The following NRG4 variants were observed in gnomAD, a reference collection of about 807,000 sequenced individuals.
NRG4 encodes pro-neuregulin-4, membrane-bound isoform.
NRG4 carries 10 observed loss-of-function variants against 15.0 expected under a neutral mutation model. That is an observed-to-expected ratio of 0.67 (90% CI 0.41 to 1.13). The LOEUF (loss-of-function observed/expected upper bound fraction) is 1.13, where lower values mean the gene tolerates loss of function less well. NRG4 is among the 50% of genes most tolerant of loss of function. The pLI, the probability that NRG4 is intolerant of heterozygous loss-of-function variation, is 0.00. For synonymous variants in NRG4, 41 were observed against 50.1 expected (o/e 0.82, Z 0.77); for missense variants, 139 against 140.2 (o/e 0.99, Z 0.04).
upstream of NRG4, chr15:76,059,825 C>T (rs950135265): frequency 2.5e-4 from 37 of 145,352 alleles, no homozygotes; most frequent in African/African-American, 8.6e-4. Context: ...CGGCGGGAGG[C>T]GAGGGCGCAG....
At chr15:76,008,628 T>A (rs186249044) in intron 3 of NRG4, among the ~76,000 whole-genome samples, 46 of 152,256 alleles carry the variant, frequency 3.0e-4, no homozygotes, top group Non-Finnish European at 5.0e-4. Context: ...TATTTTGAAG[T>A]TTTTTATGGG....
intron 5 of NRG4, among the ~76,000 whole-genome samples, chr15:75,948,371 C>A (rs1229931421): frequency 2.0e-5 from 3 of 151,866 alleles, no homozygotes; most frequent in Non-Finnish European, 2.9e-5. Context: ...GTGATCTCGG[C>A]TCACTTCATC....
chr15:75,987,563 C>G (rs1037831693), intron 3 of NRG4, among the ~76,000 whole-genome samples: 1 of 152,142 alleles, frequency 6.6e-6, no homozygotes, highest in African/African-American at 2.4e-5. Context: ...CGCTCTCCCT[C>G]TCTCTGCCAT....
At chr15:75,996,390 G>A (rs959548715) in intron 3 of NRG4, among the ~76,000 whole-genome samples, 1 of 152,152 alleles carries the variant, frequency 6.6e-6, no homozygotes, top group Non-Finnish European at 1.5e-5. Context: ...TCATTGAGTA[G>A]TATGAATCTT....
chr15:75,995,948 A>T (rs2034199316), intron 3 of NRG4, among the ~76,000 whole-genome samples: 1 of 152,184 alleles, frequency 6.6e-6, no homozygotes, highest in African/African-American at 2.4e-5. Flanking sequence ...TGTGGAAATA[A>T]ATGCATCAGA....
At position 75,977,067 on chromosome 15, in the gene NRG4, G is replaced by A. The variant is rs1028557450; in HGVS notation, c.105-15093C>T. On this transcript the variant is annotated intron_variant, in intron 3 of 5. Transcript: ENST00000394907. This position sits in a 1 kb window ranked among gnomAD's most constrained non-coding sequence, Gnocchi z 4.9. ...CTAGAGAGGCAGTCTGGGTACCGCC[G>A]CTTTGTGGCACTGTGGTGGGCTCTG... Among the ~76,000 whole-genome samples the A allele has an allele frequency of 1.3e-5, 2 of 152,190 alleles. No individual in the cohort carries two copies. The highest frequency in any genetic ancestry group is 4.8e-5 in the African/African-American group (2 of 41,450).
intron 5 of NRG4, 131 bp from the exon 6 acceptor site, chr15:75,943,785 G>A (rs751154842): frequency 4.9e-6 from 3 of 617,772 alleles, no homozygotes; most frequent in Non-Finnish European, 8.5e-6. Flanking sequence ...AGGATGTGTT[G>A]AGGTAAACTA....
chr15:76,007,130 C>T (rs149243314), intron 3 of NRG4, among the ~76,000 whole-genome samples: 1 of 151,174 alleles, frequency 6.6e-6, no homozygotes, highest in East Asian at 1.9e-4. Context: ...ACATTAAATA[C>T]TGCCTATTAG....
chr15:75,998,730 G>A (rs963257237), intron 3 of NRG4, among the ~76,000 whole-genome samples: 15 of 151,930 alleles, frequency 9.9e-5, no homozygotes, highest in African/African-American at 3.6e-4. Context: ...TCAAATCTAT[G>A]GGAAAAAATT....
upstream of NRG4, chr15:76,059,819 G>A (rs886519666): frequency 2.7e-5 from 4 of 146,220 alleles, no homozygotes; most frequent in African/African-American, 4.9e-5. Context: ...CGCGGCCGGC[G>A]GGAGGCGAGG....
chr15:75,983,471 C>T (rs2033679111), intron 3 of NRG4, among the ~76,000 whole-genome samples: 1 of 152,122 alleles, frequency 6.6e-6, no homozygotes, highest in Non-Finnish European at 1.5e-5. Flanking sequence ...ACTGCTACCC[C>T]TATTATTTAA....
Position 75,977,149 on chromosome 15 carries a change from C to G in NRG4, c.105-15175G>C, listed in dbSNP as rs2033404205. On this transcript the variant is annotated intron_variant, in intron 3 of 5. Coordinates refer to ENST00000394907, the MANE Select transcript of NRG4 (RefSeq NM_138573.4). The surrounding 1 kb of genome is among the most constrained non-coding windows in gnomAD (Gnocchi z 4.9). The stretch of plus-strand genomic sequence containing the variant: ...CACTATGAGGGGAAAACTGCCCACT[C>G]AAGCCTCCAGATGCCCCTCCCCCAA... Among the ~76,000 whole-genome samples the G allele has an allele frequency of 6.6e-6, 1 of 152,166 alleles. No individual in the cohort carries two copies. The highest frequency in any genetic ancestry group is 2.1e-4 in the South Asian group (1 of 4,834).
At chr15:75,995,590 C>A (rs923623552) in intron 3 of NRG4, among the ~76,000 whole-genome samples, 2 of 151,964 alleles carry the variant, frequency 1.3e-5, no homozygotes, top group African/African-American at 4.8e-5. Context: ...CTATATCACA[C>A]CTCAACTATA....
chr15:76,006,028 G>GT (rs377052327), intron 3 of NRG4, among the ~76,000 whole-genome samples: 26 of 151,944 alleles, frequency 1.7e-4, no homozygotes, highest in South Asian at 6.2e-4. Context: ...GTCACTGAAG[G>GT]TTTTTTTTGT....
chr15:76,038,519 T>A (rs1201931556), intron 4 of NRG4, among the ~76,000 whole-genome samples: 1 of 152,180 alleles, frequency 6.6e-6, no homozygotes, highest in Non-Finnish European at 1.5e-5. Context: ...AAGGTGAGGG[T>A]CCTCTGCCTG....
chr15:75,967,038 C>T (rs111389414), intron 3 of NRG4, among the ~76,000 whole-genome samples: 2,410 of 145,414 alleles, frequency 0.017, 62 homozygotes, highest in African/African-American at 0.058. Flanking sequence ...TGCTTGAATC[C>T]GGGAGGCGGA....
chr15:76,041,749 A>G (rs1391200379), intron 4 of NRG4, among the ~76,000 whole-genome samples: 1 of 152,146 alleles, frequency 6.6e-6, no homozygotes, highest in Non-Finnish European at 1.5e-5. Flanking sequence ...TCAACACCCC[A>G]CTTTAAGCGT....
chr15:75,990,630 C>G lies in NRG4; in HGVS notation c.104+18570G>C, dbSNP rs142048791. Among the ~76,000 whole-genome samples the G allele has an allele frequency of 6.7e-5, 10 of 149,758 alleles. No individual in the cohort carries two copies. In the East Asian group the frequency reaches 1.6e-3, roughly 23 times the overall value. On this transcript the variant is annotated intron_variant, in intron 3 of 5. Transcript: ENST00000394907. ...ATCTGTAGGTTCATCTGTACTCTTTCATTACTGATGTTGGTAATTTTCTTA... is the reference window on the plus strand; with the variant it reads ...ATCTGTAGGTTCATCTGTACTCTTTGATTACTGATGTTGGTAATTTTCTTA...
chr15:75,939,189 A>C (rs2030683035), downstream of NRG4: 1 of 152,068 alleles, frequency 6.6e-6, no homozygotes, highest in East Asian at 1.9e-4. Flanking sequence ...ATAAAGTTGG[A>C]AAGCCTATGC....
Sources: gnomAD v4.1 joint callset for allele counts (sites outside exome capture counted in the v4.1 genomes callset) on GRCh38, gnomAD v4.1.1 for gene constraint, Gnocchi (gnomAD v3.1) non-coding constraint, MANE v1.5 for transcripts, NCBI Gene and HGNC (gene_info 2026-07-23, HGNC 2026-07-21) for gene names.